Variants in NXPH1 observed in about 807,000 individuals in gnomAD.
NXPH1 encodes the protein neurexophilin-1.
NXPH1 carries 5 observed loss-of-function variants against 23.7 expected under a neutral mutation model. The ratio of observed to expected loss-of-function variants is 0.21; its 90% CI spans 0.11 to 0.44. The LOEUF is 0.44. Ranked by LOEUF, NXPH1 falls within the 20% of genes least tolerant of loss-of-function variation. The probability of loss-of-function intolerance (pLI) is 0.99; values close to 1 mark genes in which losing one functional copy is unlikely to be tolerated. For synonymous variants in NXPH1, 144 were observed against 122.2 expected, an observed-to-expected ratio of 1.18 and a Z score of -1.18; for missense variants, 324 against 321.6, an observed-to-expected ratio of 1.01 and a Z score of -0.06.
chr7:8,718,813 C>T (rs1249664590), intron 2 of NXPH1, among the ~76,000 whole-genome samples: 2 of 152,108 alleles, frequency 1.3e-5, no homozygotes, highest in Non-Finnish European at 2.9e-5. Context: ...ACATTCAGTC[C>T]TTTTATATTT....
At chr7:8,554,348 C>G (rs865818276) in intron 2 of NXPH1, among the ~76,000 whole-genome samples, 1 of 151,502 alleles carries the variant, frequency 6.6e-6, no homozygotes, top group African/African-American at 2.4e-5. Flanking sequence ...AGAGGAGGAG[C>G]AATACCGACC....
intron 2 of NXPH1, among the ~76,000 whole-genome samples, chr7:8,732,594 T>C (rs1006516800): frequency 2.0e-5 from 3 of 152,242 alleles, no homozygotes; most frequent in African/African-American, 7.2e-5. Context: ...AAAGTGATTC[T>C]GAAGTGTCTG....
chr7:8,583,888 A>G (rs1171256822), intron 2 of NXPH1, among the ~76,000 whole-genome samples: 9 of 152,146 alleles, frequency 5.9e-5, no homozygotes. Flanking sequence ...TCTTTGTTGG[A>G]TATGGAAGAT....
chr7:8,437,309 G>A (rs1386936970), intron 2 of NXPH1, among the ~76,000 whole-genome samples: 1 of 151,366 alleles, frequency 6.6e-6, no homozygotes, highest in African/African-American at 2.4e-5. Flanking sequence ...GAGAGACCAT[G>A]GATGGAGGGC....
chr7:8,518,519 T>A (rs1256015499), intron 2 of NXPH1, among the ~76,000 whole-genome samples: 1 of 152,130 alleles, frequency 6.6e-6, no homozygotes, highest in East Asian at 1.9e-4. Flanking sequence ...TAGAGGCAGG[T>A]CTTGCTGTGT....
chr7:8,478,683 A>G (rs573994627), intron 2 of NXPH1, among the ~76,000 whole-genome samples: 99 of 152,220 alleles, frequency 6.5e-4, no homozygotes, highest in Non-Finnish European at 1.1e-3. Flanking sequence ...AGAACAACAA[A>G]TGCCAAGACA....
At chr7:8,526,959 G>C (rs1488277884) in intron 2 of NXPH1, among the ~76,000 whole-genome samples, 1 of 151,966 alleles carries the variant, frequency 6.6e-6, no homozygotes, top group Non-Finnish European at 1.5e-5. Context: ...TTTAATTCCT[G>C]TTCTTGTAAT....
At chr7:8,535,628 T>TA (rs1818015144) in intron 2 of NXPH1, among the ~76,000 whole-genome samples, 1 of 151,194 alleles carries the variant, frequency 6.6e-6, no homozygotes, top group Non-Finnish European at 1.5e-5. Context: ...AGATAGAAAA[T>TA]AAAAAATCCT....
At chr7:8,614,017 AAGTG>A (rs1214725484) in intron 2 of NXPH1, among the ~76,000 whole-genome samples, 52 of 151,910 alleles carry the variant, frequency 3.4e-4, no homozygotes, top group Non-Finnish European at 8.8e-5. Context: ...GTTTTTATAA[AAGTG>A]AGAGTATACT....
chr7:8,498,172 T>A (rs1429920854), intron 2 of NXPH1, among the ~76,000 whole-genome samples: 2 of 152,176 alleles, frequency 1.3e-5, no homozygotes, highest in East Asian at 3.9e-4. Flanking sequence ...TACAAGTACC[T>A]TATTTAGATG....
intron 2 of NXPH1, among the ~76,000 whole-genome samples, chr7:8,516,563 A>G (rs2128614880): frequency 6.6e-6 from 1 of 152,224 alleles, no homozygotes; most frequent in African/African-American, 2.4e-5. Flanking sequence ...TGGGGTTTCC[A>G]TTAAGTTGAT....
At chr7:8,564,384 A>G (rs897507130) in intron 2 of NXPH1, among the ~76,000 whole-genome samples, 4 of 151,786 alleles carry the variant, frequency 2.6e-5, no homozygotes, top group Admixed American at 2.6e-4. Flanking sequence ...TGTACAGGGG[A>G]TGATTTTGCT....
chr7:8,699,127 T>A (rs1033653041), intron 2 of NXPH1, among the ~76,000 whole-genome samples: 11 of 152,134 alleles, frequency 7.2e-5, no homozygotes, highest in African/African-American at 2.7e-4. Context: ...AATCTGATTG[T>A]GGTTTCTTTT....
intron 2 of NXPH1, among the ~76,000 whole-genome samples, chr7:8,440,578 C>T (rs1197020130): frequency 1.3e-5 from 2 of 152,046 alleles, no homozygotes; most frequent in East Asian, 3.9e-4. Flanking sequence ...GATAGGTGCC[C>T]AGTGTCCTAT....
chr7:8,574,822 G>A (rs1818721733), intron 2 of NXPH1, among the ~76,000 whole-genome samples: 1 of 152,140 alleles, frequency 6.6e-6, no homozygotes, highest in African/African-American at 2.4e-5. Flanking sequence ...TGGCATGGCT[G>A]TGCATCAAGT....
At chr7:8,708,558 C>T (rs1779738700) in intron 2 of NXPH1, among the ~76,000 whole-genome samples, 1 of 151,480 alleles carries the variant, frequency 6.6e-6, no homozygotes, top group Non-Finnish European at 1.5e-5. Flanking sequence ...GATGGGGTTT[C>T]ATCATGTTGG....
chr7:8,449,834 C>A (rs1019949270), intron 2 of NXPH1, among the ~76,000 whole-genome samples: 1 of 152,210 alleles, frequency 6.6e-6, no homozygotes, highest in African/African-American at 2.4e-5. Context: ...GCTGTTGGCA[C>A]TACTGTAGTT....
At chr7:8,595,083 T>C (rs1254677977) in intron 2 of NXPH1, among the ~76,000 whole-genome samples, 1 of 152,018 alleles carries the variant, frequency 6.6e-6, no homozygotes, top group African/African-American at 2.4e-5. Context: ...TGGCCCTAAT[T>C]TTCAATGGCA....
intron 2 of NXPH1, among the ~76,000 whole-genome samples, chr7:8,515,949 C>T (rs1005746422): frequency 6.6e-6 from 1 of 152,100 alleles, no homozygotes; most frequent in East Asian, 1.9e-4. Flanking sequence ...CTCATGTTCC[C>T]GCAGCCTCTC....
Sources: allele counts gnomAD v4.1 joint callset (sites outside exome capture counted in the v4.1 genomes callset), GRCh38; gene constraint gnomAD v4.1.1; transcripts MANE v1.5; gene names NCBI Gene and HGNC (gene_info 2026-07-23, HGNC 2026-07-21).